The following SDK1 variants were observed in gnomAD, a reference collection of about 807,000 sequenced individuals.
The protein encoded by SDK1 is protein sidekick-1.
In SDK1, 157 loss-of-function variants were observed where a neutral mutation model predicts 245.5. That is an observed-to-expected ratio of 0.64 (90% CI 0.56 to 0.73). The LOEUF is 0.73. SDK1 is among the 30% of genes least tolerant of loss of function. The probability of loss-of-function intolerance (pLI) is 0.00; values close to 1 mark genes in which losing one functional copy is unlikely to be tolerated. For missense variants in SDK1, 3,583 were observed against 3,002.3 expected (o/e 1.19, Z -4.52); for synonymous variants, 1,647 against 1,278.5 (o/e 1.29, Z -6.15).
chr7:3,432,371 G>C (rs879281098), intron 1 of SDK1, among the ~76,000 whole-genome samples: 4 of 151,902 alleles, frequency 2.6e-5, no homozygotes, highest in Non-Finnish European at 4.4e-5. Flanking sequence ...GTTGCTACTA[G>C]AATTTTGATG....
At chr7:4,137,156 A>G (rs1296564532) in intron 28 of SDK1, among the ~76,000 whole-genome samples, 1 of 152,242 alleles carries the variant, frequency 6.6e-6, no homozygotes, top group Admixed American at 6.5e-5. Context: ...CTAGCTGGGC[A>G]CGGTGGCACA....
intron 5 of SDK1, among the ~76,000 whole-genome samples, chr7:3,910,895 CGCTGTGGAGCAG>C (rs1779139825): frequency 6.6e-6 from 1 of 152,196 alleles, no homozygotes; most frequent in Admixed American, 6.5e-5. Context: ...ATGTGGCCCA[CGCTGTGGAGCAG>C]GGTGGGCCTC....
chr7:3,849,733 T>C (rs894861678), intron 5 of SDK1, among the ~76,000 whole-genome samples: 2 of 152,230 alleles, frequency 1.3e-5, no homozygotes, highest in African/African-American at 4.8e-5. Context: ...GGCCATTGCC[T>C]GTGTTACAAC....
At chr7:3,352,170 A>T (rs941625562) in intron 1 of SDK1, among the ~76,000 whole-genome samples, 1 of 150,032 alleles carries the variant, frequency 6.7e-6, no homozygotes, top group Non-Finnish European at 1.5e-5. Flanking sequence ...GTTTCATTTA[A>T]AAAGTTTTAC....
chr7:4,262,337 C>T (rs770330842), intron 44 of SDK1, among the ~76,000 whole-genome samples: 2 of 151,864 alleles, frequency 1.3e-5, no homozygotes, highest in African/African-American at 2.4e-5. Flanking sequence ...TCTCCTTTAA[C>T]GGTCCTTCCA....
chr7:3,540,679 C>G (rs1008550323), intron 1 of SDK1, among the ~76,000 whole-genome samples: 3 of 152,152 alleles, frequency 2.0e-5, no homozygotes, highest in South Asian at 4.1e-4. Context: ...GGGTCTGACA[C>G]AAGCATGGTG....
At chr7:4,120,802 G>A (rs988188544) in intron 25 of SDK1, among the ~76,000 whole-genome samples, 1 of 151,938 alleles carries the variant, frequency 6.6e-6, no homozygotes, top group African/African-American at 2.4e-5. Context: ...TTTTAGTAGA[G>A]ATGGGGTTTC....
At position 3,548,866 on chromosome 7, in the gene SDK1, C is replaced by T. The variant is rs368128288; in HGVS notation, c.299-70214C>T. Among the ~76,000 whole-genome samples, 27 of 152,298 alleles carry T rather than the reference C, an allele frequency of 1.8e-4. No individual in the cohort carries two copies. In the East Asian group the frequency reaches 2.5e-3, roughly 14 times the overall value. ...CTTTTATCATCTATATTAATAAGCT[C>T]ATAAAGAAAGTATCACTTTGACCTC... On this transcript the variant is annotated intron_variant, in intron 1 of 44. Transcript: ENST00000404826.
intron 14 of SDK1, among the ~76,000 whole-genome samples, chr7:3,990,901 C>T (rs1375227562): frequency 2.0e-5 from 3 of 152,356 alleles, no homozygotes; most frequent in Non-Finnish European, 2.9e-5. Flanking sequence ...AGCCAGTTAG[C>T]TTGCCTCCAT....
chr7:3,365,562 T>G (rs890921640), intron 1 of SDK1, among the ~76,000 whole-genome samples: 4 of 152,356 alleles, frequency 2.6e-5, no homozygotes, highest in Admixed American at 1.3e-4. Context: ...CTTAATGATA[T>G]CAACTTATTT....
rs186924889 is a variant in SDK1, at chr7:4,165,827, C to A, written c.4800+3971C>A. Among the ~76,000 whole-genome samples, 5 of 151,106 alleles carry A rather than the reference C, an allele frequency of 3.3e-5. No individual in the cohort carries two copies. In the East Asian group the frequency reaches 9.8e-4, roughly 30 times the overall value. ...TTAAAGACAGGGTCTTTCCCTGTCACCCAGGTTGGAGTGCAGTGGCGCAAT... is the reference window on the plus strand; with the variant it reads ...TTAAAGACAGGGTCTTTCCCTGTCAACCAGGTTGGAGTGCAGTGGCGCAAT... On this transcript the variant is annotated intron_variant, in intron 32 of 44. Coordinates refer to ENST00000404826, the MANE Select transcript of SDK1 (RefSeq NM_152744.4).
At chr7:3,766,758 T>C (rs1780265176) in intron 4 of SDK1, among the ~76,000 whole-genome samples, 1 of 152,224 alleles carries the variant, frequency 6.6e-6, no homozygotes, top group African/African-American at 2.4e-5. Context: ...GATTAGGGCT[T>C]GTTCCTTTGA....
intron 1 of SDK1, among the ~76,000 whole-genome samples, chr7:3,478,590 G>T (rs1781416718): frequency 6.6e-6 from 1 of 151,492 alleles, no homozygotes; most frequent in African/African-American, 2.4e-5. Flanking sequence ...CATTTGTGTG[G>T]GCCTTTTTCT....
At chr7:3,703,515 C>A (rs1784800440) in intron 4 of SDK1, among the ~76,000 whole-genome samples, 1 of 152,114 alleles carries the variant, frequency 6.6e-6, no homozygotes, top group Non-Finnish European at 1.5e-5. Context: ...ATGGTGATGG[C>A]AGTTTTGTGG....
intron 4 of SDK1, among the ~76,000 whole-genome samples, chr7:3,758,326 C>A (rs556956893): frequency 2.3e-4 from 35 of 152,290 alleles, no homozygotes; most frequent in Admixed American, 3.9e-4. Flanking sequence ...ATTCTTCCTA[C>A]ATTTGTTTTT....
At chr7:3,352,081 A>G (rs1780673765) in intron 1 of SDK1, among the ~76,000 whole-genome samples, 4 of 150,904 alleles carry the variant, frequency 2.7e-5, no homozygotes, top group Middle Eastern at 6.9e-3. Flanking sequence ...AAATCCTTGT[A>G]TGTCAATAAA....
chr7:3,909,193 A>C (rs895560879), intron 5 of SDK1, among the ~76,000 whole-genome samples: 2 of 152,186 alleles, frequency 1.3e-5, no homozygotes, highest in African/African-American at 4.8e-5. Flanking sequence ...TGAGACCCTC[A>C]TCCTCTACTC....
chr7:4,097,212 C>T (rs1319855179), intron 22 of SDK1, among the ~76,000 whole-genome samples: 1 of 152,240 alleles, frequency 6.6e-6, no homozygotes, highest in East Asian at 1.9e-4. Flanking sequence ...GCAAGACGGC[C>T]TGGGCCGACT....
intron 1 of SDK1, among the ~76,000 whole-genome samples, chr7:3,570,567 A>G (rs1780082000): frequency 6.6e-6 from 1 of 152,090 alleles, no homozygotes; most frequent in African/African-American, 2.4e-5. Flanking sequence ...CATTTACTCC[A>G]TTACTCTTTC....
Sources: allele counts gnomAD v4.1 joint callset (sites outside exome capture counted in the v4.1 genomes callset), GRCh38; gene constraint gnomAD v4.1.1; transcripts MANE v1.5; gene names NCBI Gene and HGNC (gene_info 2026-07-23, HGNC 2026-07-21).